MEIS2: variants seen among roughly 807,000 people sequenced by gnomAD.
The protein encoded by MEIS2 is homeobox protein Meis2.
MEIS2 carries 9 observed loss-of-function variants against 58.6 expected under a neutral mutation model. The ratio of observed to expected loss-of-function variants is 0.15; its 90% CI spans 0.09 to 0.27. The LOEUF is 0.27. Among genes scored for constraint, MEIS2 ranks in the 10% least tolerant of loss-of-function variants. The pLI is 1.00. For synonymous variants in MEIS2, 221 were observed against 228.4 expected (o/e 0.97, Z 0.29); for missense variants, 427 against 635.0 (o/e 0.67, Z 3.52).
intron 7 of MEIS2, among the ~76,000 whole-genome samples, chr15:37,068,761 C>A (rs1009117939): frequency 6.6e-6 from 1 of 151,948 alleles, no homozygotes; most frequent in African/African-American, 2.4e-5. Flanking sequence ...TAGGAGTTAC[C>A]TCCATGCACA....
rs1555474187 is a variant in MEIS2, at chr15:37,098,423, A to AGAGAGAGAGAGG, written c.13-225_13-224insCCTCTCTCTCTC. 105 of 1,194,706 alleles carry AGAGAGAGAGAGG rather than the reference A, an allele frequency of 8.8e-5. 6 individuals are homozygous for AGAGAGAGAGAGG. The African/African-American group carries it at 1.5e-3, about 17-fold the overall frequency. 74.0% of individuals were successfully genotyped at this position (1,194,706 alleles called of 1,614,324 possible). A position where few individuals can be genotyped will look rare whatever the true frequency, so the allele number is the denominator to read the frequency against. On this transcript the variant is annotated intron_variant, in intron 1 of 11. Coordinates refer to ENST00000561208, the MANE Select transcript of MEIS2 (RefSeq NM_170675.5). ...GAGAGAGAGAGAGAGAGAGAGAGAG[A>AGAGAGAGAGAGG]GAAAATAAAAATAAAAACAAAGTCA...
At chr15:36,992,808 G>A (rs142542345) in intron 8 of MEIS2, among the ~76,000 whole-genome samples, 22 of 151,978 alleles carry the variant, frequency 1.4e-4, no homozygotes, top group Admixed American at 1.4e-3. Flanking sequence ...GAAGGGGGGC[G>A]ATGAGAGGAA....
intron 8 of MEIS2, among the ~76,000 whole-genome samples, chr15:36,961,239 G>C (rs562783332): frequency 6.6e-6 from 1 of 152,230 alleles, no homozygotes; most frequent in South Asian, 2.1e-4. Context: ...CAACTGATTA[G>C]TAAATGGAGC....
At chr15:36,988,972 G>C (rs2060182660) in intron 8 of MEIS2, among the ~76,000 whole-genome samples, 1 of 152,278 alleles carries the variant, frequency 6.6e-6, no homozygotes, top group South Asian at 2.1e-4. Flanking sequence ...CAAGAAAAAA[G>C]GATGGGGTCC....
intron 7 of MEIS2, among the ~76,000 whole-genome samples, chr15:37,073,086 T>C (rs1235636516): frequency 2.0e-5 from 3 of 152,194 alleles, no homozygotes; most frequent in South Asian, 2.1e-4. Context: ...AATTATATGG[T>C]CCATAAATGT....
Position 37,008,202 on chromosome 15 carries a change from T to C in MEIS2, c.900+28612A>G, listed in dbSNP as rs113460391. Among the ~76,000 whole-genome samples, 595 of 152,352 alleles carry C rather than the reference T, an allele frequency of 3.9e-3. 7 individuals are homozygous for C. The highest frequency in any genetic ancestry group is 0.014 in the African/African-American group (578 of 41,582). The stretch of plus-strand genomic sequence containing the variant: ...CAGATTATCTAGCTGGCTTGCTAAC[T>C]ATAGTTATATTCGCTCTAGGACAAT... On this transcript the variant is annotated intron_variant, in intron 8 of 11. Transcript: ENST00000561208.
At chr15:37,054,636 C>T (rs941802012) in intron 7 of MEIS2, among the ~76,000 whole-genome samples, 5 of 152,132 alleles carry the variant, frequency 3.3e-5, no homozygotes, top group Admixed American at 6.5e-5. Flanking sequence ...CCAGGCTTGT[C>T]TCCAACTTGT....
At chr15:36,931,301 T>A (rs2057968067) in intron 9 of MEIS2, among the ~76,000 whole-genome samples, 1 of 152,184 alleles carries the variant, frequency 6.6e-6, no homozygotes, top group South Asian at 2.1e-4. Flanking sequence ...TTGTACAGAA[T>A]AGCACAACCT....
intron 8 of MEIS2, among the ~76,000 whole-genome samples, chr15:37,014,573 G>A (rs2141648313): frequency 6.6e-6 from 1 of 152,260 alleles, no homozygotes; most frequent in South Asian, 2.1e-4. Flanking sequence ...ATTTTGATTT[G>A]AACTTAATTC....
At chr15:37,098,428 A>AC in intron 1 of MEIS2, 1 of 1,038,830 alleles carries the variant, frequency 9.6e-7, no homozygotes, top group Non-Finnish European at 1.2e-6. Flanking sequence ...GAGAGAGAAA[A>AC]TAAAAATAAA....
chr15:37,098,001 C>G lies in MEIS2; in HGVS notation c.211G>C (p.Asp71His). 6.2e-7 allele frequency: 1 copy of G among 1,609,822 alleles called. No homozygotes were observed. Among genetic ancestry groups the G allele is most frequent in the South Asian group, 1.1e-5 (1 of 90,682 alleles). The change falls in exon 2 of 12, where the codon GAC (aspartate) becomes CAC (histidine). Residue 71 changes from aspartate (D) to histidine (H), a missense_variant. Coordinates refer to ENST00000561208, the MANE Select transcript of MEIS2 (RefSeq NM_170675.5). Reference protein sequence around the residue: ...MPASMGSAVNDALKRDKDAIY... With the variant: ...MPASMGSAVNHALKRDKDAIY... ...GCGTCCTTGTCCCGCTTCAAGGCGTCGTTGACAGCGGATCCCATACTGGCC... is the reference window on the plus strand; with the variant it reads ...GCGTCCTTGTCCCGCTTCAAGGCGTGGTTGACAGCGGATCCCATACTGGCC...
At chr15:36,981,593 C>G (rs1374264553) in intron 8 of MEIS2, among the ~76,000 whole-genome samples, 2 of 152,034 alleles carry the variant, frequency 1.3e-5, no homozygotes, top group East Asian at 3.9e-4. Context: ...TGTGTGCGTG[C>G]TTGCATGTGT....
intron 10 of MEIS2, 121 bp from the exon 11 acceptor site, chr15:36,895,382 T>TGG: frequency 1.3e-6 from 1 of 772,044 alleles, no homozygotes; most frequent in East Asian, 2.7e-5. Flanking sequence ...ACTCTACAAA[T>TGG]GGGGGTGTGG....
chr15:37,024,946 G>T (rs1359246427), intron 8 of MEIS2, among the ~76,000 whole-genome samples: 1 of 152,218 alleles, frequency 6.6e-6, no homozygotes, highest in African/African-American at 2.4e-5. Flanking sequence ...AAGTTAGTTT[G>T]CAGTCTTCCA....
intron 8 of MEIS2, among the ~76,000 whole-genome samples, chr15:36,986,830 C>G (rs1039008522): frequency 3.9e-5 from 6 of 152,194 alleles, no homozygotes; most frequent in African/African-American, 1.4e-4. Flanking sequence ...GTCCCTTTCA[C>G]CAAATGCCTA....
At chr15:37,048,175 A>G (rs7170777) in intron 7 of MEIS2, among the ~76,000 whole-genome samples, 147,286 of 152,224 alleles carry the variant, frequency 0.97, 71,425 homozygotes, top group East Asian at 1. Context: ...AACATTTTAA[A>G]CTAAAACTAG....
chr15:36,992,376 T>C (rs147345256), intron 8 of MEIS2, among the ~76,000 whole-genome samples: 49 of 152,228 alleles, frequency 3.2e-4, no homozygotes, highest in African/African-American at 1.1e-3. Flanking sequence ...TTCAGAAATA[T>C]TGTAATTAAG....
chr15:37,001,024 T>C (rs2060708387), intron 8 of MEIS2, among the ~76,000 whole-genome samples: 1 of 152,188 alleles, frequency 6.6e-6, no homozygotes, highest in Non-Finnish European at 1.5e-5. Context: ...ATTGGTATTT[T>C]CTCCCTTTGG....
chr15:37,013,548 G>C (rs183300238), intron 8 of MEIS2, among the ~76,000 whole-genome samples: 2 of 148,874 alleles, frequency 1.3e-5, no homozygotes, highest in East Asian at 3.9e-4. Flanking sequence ...CTCCAGCCTG[G>C]GCAACAAGAG....
Sources: allele counts gnomAD v4.1 joint callset (sites outside exome capture counted in the v4.1 genomes callset), GRCh38; gene constraint gnomAD v4.1.1; transcripts MANE v1.5; gene names NCBI Gene and HGNC (gene_info 2026-07-23, HGNC 2026-07-21).